IDUA: variants seen among roughly 807,000 people sequenced by gnomAD.
IDUA encodes the protein iduronidase alpha-L-.
A neutral mutation model predicts 68.9 loss-of-function variants in IDUA; 65 were observed. The observed-to-expected ratio is 0.94, with a 90% CI of 0.77 to 1.16. The LOEUF (loss-of-function observed/expected upper bound fraction) is 1.16. Among genes scored for constraint, IDUA ranks in the 50% most tolerant of loss-of-function variants. The pLI, the probability that IDUA is intolerant of heterozygous loss-of-function variation, is 0.00. For missense variants in IDUA, 1,046 were observed against 938.0 expected, an observed-to-expected ratio of 1.12 and a Z score of -1.50; for synonymous variants, 529 against 433.6, an observed-to-expected ratio of 1.22 and a Z score of -2.73.
In IDUA at chr4:1,000,989, G is replaced by A. The variant is rs748326989; in HGVS notation, c.493G>A (p.Gly165Ser). ...CTCCAGCCTGGCCAGGAGATACATCGGTGGGCGAGCGCAGGCCCTGGGGCC... is the reference window on the plus strand; with the variant it reads ...CTCCAGCCTGGCCAGGAGATACATCAGTGGGCGAGCGCAGGCCCTGGGGCC... The part of the protein sequence containing the change: ...LVSSLARRYI[G>S]RYGLAHVSKW... The change falls in exon 4 of 14, where the codon GGT (glycine) becomes AGT (serine). Residue 165 changes from glycine (G) to serine (S), a missense_variant and splice_region_variant. Gly to Ser is a moderately conservative substitution (Grantham distance 56). Transcript: ENST00000514224. 6 of 1,608,188 alleles carry A rather than the reference G, an allele frequency of 3.7e-6. No homozygotes were observed. Among genetic ancestry groups the A allele is most frequent in the African/African-American group, 2.7e-5 (2 of 74,988 alleles).
At position 1,002,913 on chromosome 4, in the gene IDUA, C is replaced by T. The variant is rs1468338796; in HGVS notation, c.1371C>T (p.Thr457=). 8.0e-6 allele frequency: 11 copies of T among 1,377,182 alleles called. No individual in the cohort carries two copies. The highest frequency in any genetic ancestry group is 8.4e-6 in the Non-Finnish European group (9 of 1,072,142). 85.3% of individuals were successfully genotyped at this position (1,377,182 alleles called of 1,614,324 possible). A position where few individuals can be genotyped will look rare whatever the true frequency, so the allele number is the denominator to read the frequency against. The part of the protein sequence containing the change: ...RAHPNRSVAV[T]LRLRGVPPGP... ...ACCCCAACCGCAGCGTCGCGGTGAC[C>T]CTGCGGCTGCGCGGGGTGCCCCCCG... Residue 457 remains threonine (T), a synonymous_variant, in exon 9 of 14, where the codon ACC becomes ACT. Coordinates refer to ENST00000514224, the MANE Select transcript of IDUA (RefSeq NM_000203.5).
chr4:1,002,846 G>A lies in IDUA; in HGVS notation c.1304G>A (p.Arg435His), dbSNP rs1036950284. 2.8e-6 allele frequency: 4 copies of A among 1,452,212 alleles called. No individual in the cohort carries two copies. In the African/African-American group the frequency reaches 4.4e-5, roughly 16 times the overall value. 90.0% of individuals were successfully genotyped at this position (1,452,212 alleles called of 1,614,324 possible). Residue 435 changes from arginine (R) to histidine (H), a missense_variant, in exon 9 of 14, where the codon CGC becomes CAC. By Grantham distance (29) the Arg-to-His change is conservative. Transcript: ENST00000514224. Reference sequence around the variant, plus strand: ...CCCCAGGGCCCGGCCGACGCCTGGCGCGCCGCGGTGCTGATCTACGCGAGC... The same window carrying A: ...CCCCAGGGCCCGGCCGACGCCTGGCACGCCGCGGTGCTGATCTACGCGAGC... ...HRPQGPADAW[R>H]AAVLIYASDD...
At chr4:991,707 G>A in intron 2 of IDUA, 1 of 1,535,840 alleles carries the variant, frequency 6.5e-7, no homozygotes, top group Non-Finnish European at 8.7e-7. Context: ...CGTCCATCCT[G>A]TTGCGTCAGG....
rs763375487 is a variant in IDUA at position 1,001,689 on chromosome 4, C to G, written c.600C>G (p.Asn200Lys). The G allele has an allele frequency of 3.1e-6, 5 of 1,601,140 alleles. No individual in the cohort carries two copies. The East Asian group carries it at 6.7e-5, about 21-fold the overall frequency. The change falls in exon 6 of 14, where the codon AAC becomes AAG. Residue 200 changes from asparagine (N) to lysine (K), a missense_variant. Transcript: ENST00000514224. Reference protein sequence around the residue: ...NVSMTMQGFLNYYDACSEGLR... With the variant: ...NVSMTMQGFLKYYDACSEGLR... ...GCTCCCCCGGCCCAGGCTTCCTGAA[C>G]TACTACGATGCCTGCTCGGAGGGTC...
At chr4:988,028 G>A (rs1019375093) in intron 2 of IDUA, 79 bp downstream of exon 2, 14 of 1,496,198 alleles carry the variant, frequency 9.4e-6, no homozygotes, top group Middle Eastern at 2.3e-4. Context: ...GGGGCTGCTC[G>A]GAAGACCCCT....
At position 1,001,858 on chromosome 4, in the gene IDUA, G is replaced by T. The variant is rs2153022094; in HGVS notation, c.769G>T (p.Asp257Tyr). The T allele has an allele frequency of 1.9e-6, 3 of 1,593,860 alleles. No homozygotes were observed. The highest frequency in any genetic ancestry group is 2.6e-6 in the Non-Finnish European group (3 of 1,172,078). The change falls in exon 6 of 14, where the codon GAC becomes TAC. Residue 257 changes from aspartate (D) to tyrosine (Y), a missense_variant. Transcript: ENST00000514224. Reference protein sequence around the residue: ...FFTGEAGVRLDYISLHRKGAR... With the variant: ...FFTGEAGVRLYYISLHRKGAR... Reference sequence around the variant, plus strand: ...CACTGGGGAGGCGGGCGTGCGGCTGGACTACATCTCCCTCCACAGGAAGGT... The same window carrying T: ...CACTGGGGAGGCGGGCGTGCGGCTGTACTACATCTCCCTCCACAGGAAGGT...
chr4:996,335 G>A (rs1047240836), intron 2 of IDUA, among the ~76,000 whole-genome samples: 1 of 152,192 alleles, frequency 6.6e-6, no homozygotes, highest in South Asian at 2.1e-4. Flanking sequence ...CCAGGGGGCT[G>A]GGGTTGTTCC....
At position 1,003,415 on chromosome 4, in the gene IDUA, T is replaced by G. The variant is rs1374035336; in HGVS notation, c.1595T>G (p.Leu532Arg). 7 of 1,527,828 alleles carry G rather than the reference T, an allele frequency of 4.6e-6. No homozygotes were observed. Among genetic ancestry groups the G allele is most frequent in the Non-Finnish European group, 4.4e-6 (5 of 1,144,132 alleles). 94.6% of individuals were successfully genotyped at this position (1,527,828 alleles called of 1,614,324 possible). A position where few individuals can be genotyped will look rare whatever the true frequency, so the allele number is the denominator to read the frequency against. The change falls in exon 11 of 14, where the codon CTG becomes CGG. Residue 532 changes from leucine to arginine, a missense_variant. Leu to Arg is a moderately radical substitution (Grantham distance 102). Transcript: ENST00000514224. Reference sequence around the variant, plus strand: ...CTGACCCTGCGCCCCGCGCTGCGGCTGCCGTCGCTTTTGCTGGTGCACGTG... The same window carrying G: ...CTGACCCTGCGCCCCGCGCTGCGGCGGCCGTCGCTTTTGCTGGTGCACGTG... ...GRLTLRPALRLPSLLLVHVCA... is the reference protein window; with the variant it reads ...GRLTLRPALRRPSLLLVHVCA...
intron 4 of IDUA, 163 bp from the exon 5 acceptor site, chr4:1,001,305 C>T (rs893379320): frequency 5.5e-6 from 4 of 724,084 alleles, no homozygotes; most frequent in Non-Finnish European, 9.8e-6. Flanking sequence ...AGGTCTTGGA[C>T]CCCCTTGAGC....
chr4:991,066 A>T, intron 2 of IDUA: 1 of 1,471,698 alleles, frequency 6.8e-7, no homozygotes, highest in South Asian at 1.4e-5. Flanking sequence ...GCCCTCGTGG[A>T]TGGCCAAAAC....
chr4:1,001,782 C>A lies in IDUA; in HGVS notation c.693C>A (p.Ser231=), dbSNP rs529773032. 3.7e-6 allele frequency: 6 copies of A among 1,603,336 alleles called. No individual in the cohort carries two copies. The highest frequency in any genetic ancestry group is 5.1e-6 in the Non-Finnish European group (6 of 1,177,928). ...PGDSFHTPPR[S]PLSWGLLRHC... ...ACTCCTTCCACACCCCACCGCGATCCCCGCTGAGCTGGGGCCTCCTGCGCC... is the reference window on the plus strand; with the variant it reads ...ACTCCTTCCACACCCCACCGCGATCACCGCTGAGCTGGGGCCTCCTGCGCC... The change falls in exon 6 of 14, where the codon TCC becomes TCA. Residue 231 remains serine (S), a synonymous_variant. Coordinates refer to ENST00000514224, the MANE Select transcript of IDUA (RefSeq NM_000203.5).
Position 1,002,346 on chromosome 4 carries a change from T to C in IDUA, c.1050T>C (p.Asn350=), listed in dbSNP as rs769373163. The C allele has an allele frequency of 2.3e-5, 37 of 1,613,012 alleles. No homozygotes were observed. Among genetic ancestry groups the C allele is most frequent in the Non-Finnish European group, 2.9e-5 (34 of 1,179,698 alleles). The stretch of plus-strand genomic sequence containing the variant: ...CCTACGCGCTCCTGAGCAACGACAA[T>C]GCCTTCCTGAGCTACCACCCGCACC... ...AFPYALLSND[N]AFLSYHPHPF... Residue 350 remains asparagine (N), a synonymous_variant, in exon 8 of 14, where the codon AAT becomes AAC. Transcript: ENST00000514224.
At chr4:1,002,192 C>G in intron 7 of IDUA, 31 bp downstream of exon 7, 3 of 1,563,786 alleles carry the variant, frequency 1.9e-6, no homozygotes, top group Non-Finnish European at 8.7e-7. Flanking sequence ...GCGCGCCCCC[C>G]GGCCACCTTC....
chr4:1,003,795 CCCTGCCAGTGGGGT>C, intron 12 of IDUA, 170 bp downstream of exon 12: 2 of 826,084 alleles, frequency 2.4e-6, no homozygotes, highest in Non-Finnish European at 4.0e-6. Flanking sequence ...ACGCGCCAGG[CCCTGCCAGTGGGGT>C]GTGGGTTCTC....
chr4:1,001,280 C>A lies in IDUA; in HGVS notation c.494-188C>A, dbSNP rs1050683416. 7 of 622,700 alleles carry A rather than the reference C, an allele frequency of 1.1e-5. No individual in the cohort carries two copies. In the Admixed American group the frequency reaches 1.3e-4, roughly 12 times the overall value. 38.6% of individuals were successfully genotyped at this position (622,700 alleles called of 1,614,324 possible). A position where few individuals can be genotyped will look rare whatever the true frequency, so the allele number is the denominator to read the frequency against. On this transcript the variant is annotated intron_variant, in intron 4 of 13. Transcript: ENST00000514224. ...TATCACCCAGGCCGCACCCCTATCA[C>A]CCAGGCCGCCGCCCAGGTCTTGGAC...
chr4:987,755 G>A (rs1378108246), intron 1 of IDUA, 54 bp from the exon 2 acceptor site: 14 of 1,608,266 alleles, frequency 8.7e-6, no homozygotes, highest in East Asian at 4.5e-5. Flanking sequence ...TGTGTCAGCC[G>A]CGCTGCCAGC....
chr4:1,002,720 C>CA lies in IDUA; in HGVS notation c.1190-12_1190-11insA, dbSNP rs1560548634. 11 of 1,458,388 alleles carry CA rather than the reference C, an allele frequency of 7.5e-6. No individual in the cohort carries two copies. The highest frequency in any genetic ancestry group is 2.6e-5 in the South Asian group (2 of 77,474). The allele number at this position is 1,458,388 out of a possible 1,614,324, so 90.3% of individuals were successfully genotyped here. A position where few individuals can be genotyped will look rare whatever the true frequency, so the allele number is the denominator to read the frequency against. ...CGACCCCACGCGGCGACGGCCCCCC[C>CA]CCGCCCCGCAGATGAGGAGCAGCTC... is the stretch of plus-strand genomic sequence containing the variant. On this transcript the variant is annotated splice_polypyrimidine_tract_variant and intron_variant, in intron 8 of 13. Coordinates refer to ENST00000514224, the MANE Select transcript of IDUA (RefSeq NM_000203.5).
chr4:1,002,851 G>T lies in IDUA; in HGVS notation c.1309G>T (p.Ala437Ser). Residue 437 changes from alanine (A) to serine (S), a missense_variant, in exon 9 of 14, where the codon GCG becomes TCG. Ala to Ser is a moderately conservative substitution (Grantham distance 99). Coordinates refer to ENST00000514224, the MANE Select transcript of IDUA (RefSeq NM_000203.5). The stretch of plus-strand genomic sequence containing the variant: ...GGGCCCGGCCGACGCCTGGCGCGCC[G>T]CGGTGCTGATCTACGCGAGCGACGA... The part of the protein sequence containing the change: ...PQGPADAWRA[A>S]VLIYASDDTR... The T allele has an allele frequency of 6.9e-7, 1 of 1,454,164 alleles. No homozygotes were observed. Among genetic ancestry groups the T allele is most frequent in the Non-Finnish European group, 9.0e-7 (1 of 1,109,968 alleles). 90.1% of individuals were successfully genotyped at this position (1,454,164 alleles called of 1,614,324 possible).
chr4:991,888 C>T (rs1247571142), intron 2 of IDUA: 2 of 1,362,256 alleles, frequency 1.5e-6, no homozygotes, highest in Non-Finnish European at 2.0e-6. Context: ...CCCCAGCCCC[C>T]TGCCCGGTAT....
Sources: allele counts gnomAD v4.1 joint callset (sites outside exome capture counted in the v4.1 genomes callset), GRCh38; gene constraint gnomAD v4.1.1; transcripts MANE v1.5; gene names NCBI Gene and HGNC (gene_info 2026-07-23, HGNC 2026-07-21).